Variants in MYT1L observed in about 807,000 individuals in gnomAD.
MYT1L encodes the protein myelin transcription factor 1-like protein.
In MYT1L, 12 loss-of-function variants were observed where a neutral mutation model predicts 126.7. That is an observed-to-expected ratio of 0.09 (90% CI 0.06 to 0.15). MYT1L has a LOEUF of 0.15. Among genes scored for constraint, MYT1L ranks in the 10% least tolerant of loss-of-function variants. The probability of loss-of-function intolerance (pLI) is 1.00; values close to 1 mark genes in which losing one functional copy is unlikely to be tolerated. For missense variants in MYT1L, 979 were observed against 1,585.2 expected (o/e 0.62, Z 6.49); for synonymous variants, 541 against 604.2 (o/e 0.90, Z 1.53).
intron 2 of MYT1L, among the ~76,000 whole-genome samples, chr2:2,246,499 C>T (rs1232700219): frequency 1.3e-5 from 2 of 152,152 alleles, no homozygotes; most frequent in Non-Finnish European, 2.9e-5. Flanking sequence ...AGAAAGAAAG[C>T]TCATCAGCAT....
At chr2:2,257,056 T>C (rs61529178) in intron 2 of MYT1L, among the ~76,000 whole-genome samples, 3,379 of 152,202 alleles carry the variant, frequency 0.022, 105 homozygotes, top group African/African-American at 0.076. Context: ...TGCATTCCTG[T>C]GCCCCACCCC....
intron 2 of MYT1L, among the ~76,000 whole-genome samples, chr2:2,238,512 T>C (rs1018033193): frequency 3.3e-5 from 5 of 152,222 alleles, no homozygotes; most frequent in African/African-American, 9.6e-5. Context: ...TTGTCGTTCG[T>C]CACTTGTTTG....
At chr2:1,970,412 C>G (rs1322615613) in intron 8 of MYT1L, among the ~76,000 whole-genome samples, 1 of 152,218 alleles carries the variant, frequency 6.6e-6, no homozygotes, top group Non-Finnish European at 1.5e-5. Context: ...TGAGAGGACT[C>G]TCATACTTTC....
chr2:1,930,252 C>T (rs1362984599), intron 9 of MYT1L, among the ~76,000 whole-genome samples: 1 of 152,178 alleles, frequency 6.6e-6, no homozygotes, highest in Non-Finnish European at 1.5e-5. Flanking sequence ...TTGGAAAGCC[C>T]ACTTCTGGGC....
intron 21 of MYT1L, among the ~76,000 whole-genome samples, chr2:1,829,880 T>G: frequency 6.6e-6 from 1 of 152,202 alleles, no homozygotes; most frequent in East Asian, 1.9e-4. Context: ...CCTAGGTTCC[T>G]CACATCTGCA....
intron 9 of MYT1L, among the ~76,000 whole-genome samples, chr2:1,930,794 C>CG (rs1337168953): frequency 1.3e-5 from 2 of 152,126 alleles, no homozygotes; most frequent in Non-Finnish European, 2.9e-5. Flanking sequence ...CTTTTAGGTT[C>CG]GGGGGTCCAT....
At chr2:2,295,207 G>C (rs896496085) in intron 1 of MYT1L, among the ~76,000 whole-genome samples, 3 of 152,178 alleles carry the variant, frequency 2.0e-5, no homozygotes, top group Non-Finnish European at 4.4e-5. Context: ...GAGCTCTGTA[G>C]CCCGAGTGTG....
At position 1,892,183 on chromosome 2, in the gene MYT1L, T is replaced by C; in HGVS notation, c.2137A>G (p.Ser713Gly). 1 of 1,549,490 alleles carries C rather than the reference T, an allele frequency of 6.5e-7. No individual in the cohort carries two copies. Among genetic ancestry groups the C allele is most frequent in the Non-Finnish European group, 8.7e-7 (1 of 1,146,626 alleles). ...TCGAAGCTGCTCTTGCTGCACGTGC[T>C]GCTGGCGCTGCTGCCCCCGCCGCAG... The part of the protein sequence containing the change: ...LSCGGGSSAS[S>G]TCSKSSFDYT... Residue 713 changes from serine (S) to glycine (G), a missense_variant, in exon 15 of 25, where the codon AGC becomes GGC. Around this residue, in one of 12 missense-constraint regions of MYT1L, gnomAD observed 57 missense variants for 60.3 expected, o/e 0.94. Transcript: ENST00000647738.
At chr2:2,044,518 T>A (rs1183988125) in intron 4 of MYT1L, among the ~76,000 whole-genome samples, 1 of 152,178 alleles carries the variant, frequency 6.6e-6, no homozygotes, top group Non-Finnish European at 1.5e-5. Context: ...AGCACAAAAC[T>A]CTGCAACGGG....
At chr2:2,188,147 CACAT>C (rs1407412353) in intron 2 of MYT1L, among the ~76,000 whole-genome samples, 2 of 152,180 alleles carry the variant, frequency 1.3e-5, no homozygotes, top group African/African-American at 2.4e-5. Flanking sequence ...CATGCACACA[CACAT>C]ACACTTCCTT....
At chr2:2,089,960 C>T (rs550071691) in intron 3 of MYT1L, among the ~76,000 whole-genome samples, 1 of 152,300 alleles carries the variant, frequency 6.6e-6, no homozygotes, top group Admixed American at 6.5e-5. Flanking sequence ...CACAGCAGTT[C>T]CTGTCCTTCA....
intron 3 of MYT1L, among the ~76,000 whole-genome samples, chr2:2,135,694 G>A (rs1416728594): frequency 6.6e-6 from 1 of 152,182 alleles, no homozygotes; most frequent in African/African-American, 2.4e-5. Context: ...GCTGGGTCTT[G>A]TACTCTATGG....
At chr2:2,108,521 T>C (rs1211323568) in intron 3 of MYT1L, among the ~76,000 whole-genome samples, 3 of 152,230 alleles carry the variant, frequency 2.0e-5, no homozygotes, top group Non-Finnish European at 4.4e-5. Context: ...CAGTGAGTTT[T>C]TGAGACAATT....
At chr2:2,225,542 G>T (rs555365927) in intron 2 of MYT1L, among the ~76,000 whole-genome samples, 2 of 152,122 alleles carry the variant, frequency 1.3e-5, no homozygotes, top group Non-Finnish European at 2.9e-5. Flanking sequence ...TCATTGACTC[G>T]ACCTTTACTT....
intron 3 of MYT1L, among the ~76,000 whole-genome samples, chr2:2,112,387 A>G (rs2079574444): frequency 6.6e-6 from 1 of 152,264 alleles, no homozygotes; most frequent in Non-Finnish European, 1.5e-5. Flanking sequence ...AAAGTATTGT[A>G]CGTTTGAAAC....
In MYT1L at chr2:2,301,660, C is replaced by A. The variant is rs181850820; in HGVS notation, c.-520-17157G>T. Among the ~76,000 whole-genome samples, 119 of 151,818 alleles carry A rather than the reference C, an allele frequency of 7.8e-4. 1 individual carries two copies. Among genetic ancestry groups the A allele is most frequent in the African/African-American group, 2.8e-3 (114 of 41,402 alleles). On this transcript the variant is annotated intron_variant, in intron 1 of 24. Transcript: ENST00000647738. ...CCTGGGCATTATAGTGAGACCCCAT[C>A]TCTACTAAAAAATTTAAAAAGTTAG... is the stretch of plus-strand genomic sequence containing the variant.
At chr2:1,907,131 T>TAA (rs764875574) in intron 13 of MYT1L, among the ~76,000 whole-genome samples, 6 of 135,170 alleles carry the variant, frequency 4.4e-5, no homozygotes, top group South Asian at 2.4e-4. Flanking sequence ...TTTTTTTAAT[T>TAA]AAAAAAAAAA....
At chr2:2,066,298 T>C (rs1429014077) in intron 3 of MYT1L, among the ~76,000 whole-genome samples, 2 of 152,182 alleles carry the variant, frequency 1.3e-5, no homozygotes, top group African/African-American at 2.4e-5. Context: ...CTAAGAACTT[T>C]ATAAACATTA....
chr2:1,946,708 T>A (rs181459196), intron 8 of MYT1L, among the ~76,000 whole-genome samples: 1 of 152,366 alleles, frequency 6.6e-6, no homozygotes, highest in East Asian at 1.9e-4. Context: ...ATAGTCTACA[T>A]AACATTTCAA....
Sources: allele counts gnomAD v4.1 joint callset (sites outside exome capture counted in the v4.1 genomes callset), GRCh38; gene constraint gnomAD v4.1.1; regional missense constraint gnomAD v4.1.1; transcripts MANE v1.5; gene names NCBI Gene and HGNC (gene_info 2026-07-23, HGNC 2026-07-21).